Variants in CHD6 observed in about 807,000 individuals in gnomAD.
The protein encoded by CHD6 is ATP-dependent chromatin remodeler CHD6.
CHD6 carries 50 observed loss-of-function variants against 276.9 expected under a neutral mutation model. The observed-to-expected ratio is 0.18, with a 90% CI of 0.14 to 0.23. CHD6 has a LOEUF of 0.23. Among genes scored for constraint, CHD6 ranks in the 10% least tolerant of loss-of-function variants. The probability of loss-of-function intolerance (pLI) is 1.00; values close to 1 mark genes in which losing one functional copy is unlikely to be tolerated. For missense variants in CHD6, 2,564 were observed against 3,365.8 expected (o/e 0.76, Z 5.89); for synonymous variants, 1,173 against 1,229.3 (o/e 0.95, Z 0.96).
chr20:41,491,372 T>C (rs2043550543), intron 11 of CHD6, among the ~76,000 whole-genome samples: 1 of 150,142 alleles, frequency 6.7e-6, no homozygotes, highest in Non-Finnish European at 1.5e-5. Flanking sequence ...TTTTTTGTTT[T>C]TTTGGTTAAG....
At chr20:41,435,412 A>G (rs1298171143) in intron 27 of CHD6, among the ~76,000 whole-genome samples, 6 of 152,054 alleles carry the variant, frequency 3.9e-5, no homozygotes, top group African/African-American at 1.4e-4. Flanking sequence ...CCTGGGCAAC[A>G]GCAAGACCCT....
intron 5 of CHD6, among the ~76,000 whole-genome samples, chr20:41,502,878 C>T (rs999074600): frequency 2.0e-5 from 3 of 152,140 alleles, no homozygotes; most frequent in Admixed American, 6.6e-5. Flanking sequence ...TGGTGGTGCA[C>T]GCCTATAGTC....
At chr20:41,504,276 A>G (rs774952760) in intron 5 of CHD6, among the ~76,000 whole-genome samples, 1 of 150,688 alleles carries the variant, frequency 6.6e-6, no homozygotes, top group African/African-American at 2.4e-5. Context: ...AAACCTATCC[A>G]CTTGGTCTTG....
intron 27 of CHD6, 82 bp downstream of exon 27, chr20:41,437,192 C>T (rs891367922): frequency 6.7e-6 from 7 of 1,046,210 alleles, no homozygotes; most frequent in Admixed American, 3.8e-5. Context: ...CAATCAAGTT[C>T]CCCCAGATCA....
intron 1 of CHD6, among the ~76,000 whole-genome samples, chr20:41,587,161 A>G (rs1280685996): frequency 1.3e-5 from 2 of 152,382 alleles, no homozygotes; most frequent in African/African-American, 2.4e-5. Context: ...ACATTTCAAC[A>G]TACTATCAAG....
chr20:41,532,059 T>C (rs1266059951), intron 3 of CHD6, among the ~76,000 whole-genome samples: 1 of 152,200 alleles, frequency 6.6e-6, no homozygotes, highest in Admixed American at 6.5e-5. Context: ...AAATTCTAAA[T>C]ATAAAGTTCT....
chr20:41,495,995 T>C (rs569917159), intron 8 of CHD6, among the ~76,000 whole-genome samples: 3 of 152,306 alleles, frequency 2.0e-5, no homozygotes, highest in African/African-American at 7.2e-5. Flanking sequence ...CTATGCCCCA[T>C]TCCCACCATG....
chr20:41,426,016 T>C (rs1164378991), intron 28 of CHD6, 77 bp downstream of exon 28: 1 of 1,066,914 alleles, frequency 9.4e-7, no homozygotes, highest in African/African-American at 1.6e-5. Context: ...AACTACTTAT[T>C]AATTACATAT....
At chr20:41,496,285 T>C (rs1047171201) in intron 8 of CHD6, among the ~76,000 whole-genome samples, 1 of 152,202 alleles carries the variant, frequency 6.6e-6, no homozygotes, top group African/African-American at 2.4e-5. Flanking sequence ...CCAAGAACAA[T>C]GTAGGATATT....
chr20:41,518,702 A>G (rs1020725462), intron 3 of CHD6, among the ~76,000 whole-genome samples: 1 of 152,194 alleles, frequency 6.6e-6, no homozygotes, highest in African/African-American at 2.4e-5. Context: ...TTAAGTTCCA[A>G]AAATTCTTTC....
At chr20:41,429,042 T>G (rs531366799) in intron 27 of CHD6, among the ~76,000 whole-genome samples, 1 of 152,326 alleles carries the variant, frequency 6.6e-6, no homozygotes, top group East Asian at 1.9e-4. Flanking sequence ...TGCAAGTTCT[T>G]GGCCATGACT....
chr20:41,519,092 G>A (rs1007709873), intron 3 of CHD6, among the ~76,000 whole-genome samples: 1 of 152,250 alleles, frequency 6.6e-6, no homozygotes, highest in African/African-American at 2.4e-5. Flanking sequence ...GACCAGCCTG[G>A]GCAATATGGC....
intron 1 of CHD6, among the ~76,000 whole-genome samples, chr20:41,568,186 A>G (rs530971341): frequency 1.3e-5 from 2 of 152,234 alleles, no homozygotes; most frequent in Non-Finnish European, 2.9e-5. Flanking sequence ...TGATACAAGG[A>G]AACAAAATAT....
At chr20:41,543,013 A>G (rs931745782) in intron 2 of CHD6, among the ~76,000 whole-genome samples, 1 of 151,482 alleles carries the variant, frequency 6.6e-6, no homozygotes, top group Admixed American at 6.6e-5. Context: ...CTAAGGCAGG[A>G]GAATTGCTTG....
intron 5 of CHD6, among the ~76,000 whole-genome samples, chr20:41,500,913 C>T (rs573647750): frequency 5.3e-5 from 8 of 152,276 alleles, no homozygotes; most frequent in Middle Eastern, 3.4e-3. Context: ...TGATTTATGT[C>T]ACTTAATTTA....
intron 2 of CHD6, among the ~76,000 whole-genome samples, chr20:41,543,319 A>T (rs2044982236): frequency 6.6e-6 from 1 of 151,988 alleles, no homozygotes; most frequent in African/African-American, 2.4e-5. Flanking sequence ...TTGGGATTTG[A>T]CTCCCATTTC....
At chr20:41,509,211 G>A (rs150850421) in intron 5 of CHD6, among the ~76,000 whole-genome samples, 2 of 152,194 alleles carry the variant, frequency 1.3e-5, no homozygotes, top group African/African-American at 4.8e-5. Context: ...TCTAGACTTA[G>A]GGAATAATAA....
chr20:41,423,458 G>C (rs1407425537), intron 30 of CHD6, 34 bp downstream of exon 30: 3 of 1,578,744 alleles, frequency 1.9e-6, no homozygotes, highest in Non-Finnish European at 2.6e-6. Flanking sequence ...TTCTTTCCTT[G>C]TATCATCTGA....
At chr20:41,559,044 T>C (rs1231280712) in intron 1 of CHD6, among the ~76,000 whole-genome samples, 3 of 152,144 alleles carry the variant, frequency 2.0e-5, no homozygotes, top group Non-Finnish European at 2.9e-5. Flanking sequence ...ATTATTTCAT[T>C]ACAATGTTGA....
Sources: gnomAD v4.1 joint callset for allele counts (sites outside exome capture counted in the v4.1 genomes callset) on GRCh38, gnomAD v4.1.1 for gene constraint, MANE v1.5 for transcripts, NCBI Gene and HGNC (gene_info 2026-07-23, HGNC 2026-07-21) for gene names.